The following NEK11 variants were observed in gnomAD, a reference collection of about 807,000 sequenced individuals.
NEK11 encodes the protein NIMA related kinase 11, also known as serine/threonine-protein kinase Nek11.
In NEK11, 72 loss-of-function variants were observed where a neutral mutation model predicts 80.7. The observed-to-expected ratio is 0.89, with a 90% CI of 0.74 to 1.08. The LOEUF (loss-of-function observed/expected upper bound fraction) is 1.08. Ranked by LOEUF, NEK11 falls within the 50% of genes least tolerant of loss-of-function variation. The probability of loss-of-function intolerance (pLI) is 0.00; values close to 1 mark genes in which losing one functional copy is unlikely to be tolerated. For synonymous variants in NEK11, 251 were observed against 260.7 expected, an observed-to-expected ratio of 0.96 and a Z score of 0.36; for missense variants, 764 against 763.6, an observed-to-expected ratio of 1.00 and a Z score of -0.01.
At chr3:131,215,227 A>G (rs556613889) in intron 14 of NEK11, among the ~76,000 whole-genome samples, 1 of 144,386 alleles carries the variant, frequency 6.9e-6, no homozygotes, top group Non-Finnish European at 1.5e-5. Context: ...GAACAATGAG[A>G]ACACTTGGTC....
At chr3:131,266,158 A>T (rs1412904367) in intron 16 of NEK11, among the ~76,000 whole-genome samples, 1 of 152,180 alleles carries the variant, frequency 6.6e-6, no homozygotes, top group Non-Finnish European at 1.5e-5. Flanking sequence ...TCAGTAAACC[A>T]ACTCCTGGAT....
intron 17 of NEK11, among the ~76,000 whole-genome samples, chr3:131,347,641 C>T (rs1028481453): frequency 2.6e-5 from 4 of 152,050 alleles, no homozygotes; most frequent in African/African-American, 7.2e-5. Flanking sequence ...GAAAAAAGGC[C>T]GGACACGGTG....
At chr3:131,175,696 G>A (rs1383982927) in intron 14 of NEK11, among the ~76,000 whole-genome samples, 1 of 152,106 alleles carries the variant, frequency 6.6e-6, no homozygotes, top group Non-Finnish European at 1.5e-5. Context: ...CTACCCAGAT[G>A]TGTAAATTTG....
rs528040211 is a variant in NEK11, at chr3:131,124,145, A to ACTCC, written c.456-8598_456-8595dup. Among the ~76,000 whole-genome samples the ACTCC allele has an allele frequency of 1.3e-4, 20 of 151,582 alleles. No individual in the cohort carries two copies. In the East Asian group the frequency reaches 3.9e-3, roughly 30 times the overall value. The stretch of plus-strand genomic sequence containing the variant: ...AGGTAAAAGGGACATATGGCATGTC[A>ACTCC]CTCCCCCCTTTTTTTGTCTTTTATA... On this transcript the variant is annotated intron_variant, in intron 5 of 17. Transcript: ENST00000383366.
chr3:131,096,903 G>T (rs1442306002), intron 4 of NEK11, among the ~76,000 whole-genome samples: 5 of 98,234 alleles, frequency 5.1e-5, no homozygotes, highest in African/African-American at 1.7e-4. Flanking sequence ...ACCCCACAAC[G>T]GTCCCCAGAA....
intron 5 of NEK11, among the ~76,000 whole-genome samples, chr3:131,110,266 G>A (rs939790719): frequency 6.6e-6 from 1 of 152,092 alleles, no homozygotes; most frequent in Non-Finnish European, 1.5e-5. Context: ...CTTACAGCAG[G>A]CTTGAGTTGT....
chr3:131,108,636 G>T (rs1007098350), intron 4 of NEK11, among the ~76,000 whole-genome samples: 1 of 152,052 alleles, frequency 6.6e-6, no homozygotes, highest in Non-Finnish European at 1.5e-5. Flanking sequence ...GTCAGACACT[G>T]CCAGGCTATT....
At chr3:131,083,602 A>G (rs2075595073) in intron 4 of NEK11, among the ~76,000 whole-genome samples, 1 of 152,172 alleles carries the variant, frequency 6.6e-6, no homozygotes, top group African/African-American at 2.4e-5. Flanking sequence ...CCAAAATTGC[A>G]CCTCATAGAA....
At chr3:131,330,926 A>AG (rs71907953) in intron 17 of NEK11, 14,985 of 125,432 alleles carry the variant, frequency 0.12, 1,031 homozygotes, top group East Asian at 0.24. Flanking sequence ...GAGAGAAGGA[A>AG]GGGGGGGGGG....
At chr3:131,165,672 A>G in intron 12 of NEK11, 153 bp downstream of exon 12, 2 of 608,258 alleles carry the variant, frequency 3.3e-6, no homozygotes, top group Admixed American at 5.9e-5. Context: ...GTAGGTCAAC[A>G]GCTGGTGACA....
chr3:131,329,238 A>C (rs1430908572), intron 17 of NEK11: 1 of 152,250 alleles, frequency 6.6e-6, no homozygotes, highest in Non-Finnish European at 1.5e-5. Context: ...CTTGAAAAAC[A>C]GCAGCTAAAA....
At chr3:131,194,187 T>C (rs1275823061) in intron 14 of NEK11, among the ~76,000 whole-genome samples, 1 of 152,248 alleles carries the variant, frequency 6.6e-6, no homozygotes, top group Admixed American at 6.5e-5. Context: ...ATTTCAGTTT[T>C]CCCAGTTATA....
At chr3:131,152,319 T>A in intron 7 of NEK11, 69 bp from the exon 8 acceptor site, 1 of 1,421,346 alleles carries the variant, frequency 7.0e-7, no homozygotes, top group Non-Finnish European at 9.6e-7. Context: ...ACATCTGAGG[T>A]TTTGTATGAT....
At chr3:131,122,191 C>G (rs542123691) in intron 5 of NEK11, among the ~76,000 whole-genome samples, 3 of 152,200 alleles carry the variant, frequency 2.0e-5, no homozygotes, top group African/African-American at 7.2e-5. Flanking sequence ...CAGGGAAGAG[C>G]CATACTTGGA....
chr3:131,180,241 C>G (rs981492967), intron 14 of NEK11, among the ~76,000 whole-genome samples: 4 of 152,230 alleles, frequency 2.6e-5, no homozygotes, highest in African/African-American at 9.6e-5. Flanking sequence ...GAAGTACAGT[C>G]TTTCCTGTGC....
intron 17 of NEK11, among the ~76,000 whole-genome samples, chr3:131,326,461 TTA>T (rs1375884632): frequency 6.6e-6 from 1 of 152,318 alleles, no homozygotes; most frequent in African/African-American, 2.4e-5. Flanking sequence ...TCTTCAGAGC[TTA>T]TGAGAGCTGG....
intron 17 of NEK11, chr3:131,327,802 T>C (rs2096994986): frequency 6.6e-6 from 1 of 151,914 alleles, no homozygotes; most frequent in East Asian, 1.9e-4. Context: ...ACCCACCTTC[T>C]TGGGGATTCC....
intron 3 of NEK11, among the ~76,000 whole-genome samples, chr3:131,077,237 G>A (rs1460902216): frequency 6.6e-6 from 1 of 152,146 alleles, no homozygotes. Flanking sequence ...AGGGGTGACA[G>A]GCTGGAATCA....
intron 3 of NEK11, among the ~76,000 whole-genome samples, chr3:131,079,756 C>T (rs1360404369): frequency 6.6e-6 from 1 of 151,854 alleles, no homozygotes; most frequent in Non-Finnish European, 1.5e-5. Flanking sequence ...GTTAATTTTT[C>T]CTGTTAAATA....
Sources: allele counts gnomAD v4.1 joint callset (sites outside exome capture counted in the v4.1 genomes callset), GRCh38; gene constraint gnomAD v4.1.1; transcripts MANE v1.5; gene names NCBI Gene and HGNC (gene_info 2026-07-23, HGNC 2026-07-21).